PCGF5: variants seen among roughly 807,000 people sequenced by gnomAD.
PCGF5 encodes the protein polycomb group ring finger 5.
PCGF5 carries 9 observed loss-of-function variants against 44.3 expected under a neutral mutation model. The observed-to-expected ratio is 0.20, with a 90% CI of 0.12 to 0.35. The LOEUF (loss-of-function observed/expected upper bound fraction) is 0.35, where lower values mean the gene tolerates loss of function less well. PCGF5 is among the 10% of genes least tolerant of loss of function. The pLI, the probability that PCGF5 is intolerant of heterozygous loss-of-function variation, is 1.00. For synonymous variants in PCGF5, 95 were observed against 102.5 expected (o/e 0.93, Z 0.44); for missense variants, 146 against 305.3 (o/e 0.48, Z 3.89).
intron 1 of PCGF5, among the ~76,000 whole-genome samples, chr10:91,209,133 CTT>C (rs1173595752): frequency 1.3e-5 from 2 of 152,098 alleles, no homozygotes; most frequent in Admixed American, 6.5e-5. Context: ...TGCTTAGTAA[CTT>C]TGTTTAATGT....
chr10:91,179,801 G>C (rs1258647921), intron 1 of PCGF5, among the ~76,000 whole-genome samples: 1 of 152,086 alleles, frequency 6.6e-6, no homozygotes, highest in Non-Finnish European at 1.5e-5. Context: ...ATAGTGCTGT[G>C]ATAAACATAT....
At chr10:91,238,995 G>C (rs1845254288) in intron 2 of PCGF5, among the ~76,000 whole-genome samples, 3 of 152,022 alleles carry the variant, frequency 2.0e-5, no homozygotes, top group Admixed American at 2.0e-4. Flanking sequence ...GAGAGTATGG[G>C]ATTCAGGTAC....
intron 2 of PCGF5, among the ~76,000 whole-genome samples, chr10:91,234,317 A>G (rs1035490354): frequency 6.6e-6 from 1 of 152,216 alleles, no homozygotes; most frequent in African/African-American, 2.4e-5. Context: ...TTTTTAACAT[A>G]AATTAAACAT....
chr10:91,237,526 T>C (rs751988533), intron 2 of PCGF5, among the ~76,000 whole-genome samples: 22 of 152,128 alleles, frequency 1.4e-4, no homozygotes, highest in Non-Finnish European at 2.4e-4. Context: ...GCAGATTACT[T>C]GAGGCCAGGA....
intron 3 of PCGF5, 130 bp from the exon 4 acceptor site, chr10:91,248,375 A>G (rs2133371423): frequency 1.2e-6 from 1 of 827,560 alleles, no homozygotes; most frequent in Non-Finnish European, 2.0e-6. Flanking sequence ...ACAGAAGAGT[A>G]TGGTATAGTA....
chr10:91,199,559 G>A (rs1456372254), intron 1 of PCGF5, among the ~76,000 whole-genome samples: 1 of 152,230 alleles, frequency 6.6e-6, no homozygotes, highest in African/African-American at 2.4e-5. Context: ...TCTCTGAAGA[G>A]GGATCTGATC....
At chr10:91,260,399 TG>T (rs1224172883) in intron 6 of PCGF5, among the ~76,000 whole-genome samples, 1 of 152,194 alleles carries the variant, frequency 6.6e-6, no homozygotes, top group East Asian at 1.9e-4. Flanking sequence ...GAAGTCGATG[TG>T]GCGATTCTTC....
At position 91,167,187 on chromosome 10, in the gene PCGF5, T is replaced by A. The variant is rs373564396; in HGVS notation, c.-184+4106T>A. Among the ~76,000 whole-genome samples, 24 of 152,354 alleles carry A rather than the reference T, an allele frequency of 1.6e-4. 1 individual carries two copies. The East Asian group carries it at 3.1e-3, about 20-fold the overall frequency. On this transcript the variant is annotated intron_variant, in intron 1 of 9. Coordinates refer to the PCGF5 transcript ENST00000614189. ...TTTTATGATAAGTACATTTTCATTA[T>A]TTTATATGCTATATGATGGATATGA...
chr10:91,280,597 G>A lies in PCGF5; in HGVS notation c.*2281G>A, dbSNP rs1341288323. 1 of 152,460 alleles carries A rather than the reference G, an allele frequency of 6.6e-6. No homozygotes were observed. The highest frequency in any genetic ancestry group is 1.5e-5 in the Non-Finnish European group (1 of 67,884). The allele number at this position is 152,460 out of a possible 1,614,324, so 9.4% of individuals were successfully genotyped here. A position where few individuals can be genotyped will look rare whatever the true frequency, so the allele number is the denominator to read the frequency against. On this transcript the variant is annotated 3_prime_UTR_variant, in exon 10 of 10. Transcript: ENST00000336126. The stretch of plus-strand genomic sequence containing the variant: ...AAAGAAAGGCATCAGTTGTCGTTTG[G>A]AGAAAGGTACACATTTTTTTGATGG...
At chr10:91,188,821 C>A (rs1843975122) in intron 1 of PCGF5, among the ~76,000 whole-genome samples, 1 of 152,158 alleles carries the variant, frequency 6.6e-6, no homozygotes, top group Non-Finnish European at 1.5e-5. Flanking sequence ...CTTTTTTCCA[C>A]CCTTGTCACT....
At chr10:91,161,479 C>T (rs1469107036), upstream of PCGF5, among the ~76,000 whole-genome samples, 1 of 152,172 alleles carries the variant, frequency 6.6e-6, no homozygotes, top group Non-Finnish European at 1.5e-5. Context: ...CTAACAGGGC[C>T]GGAAGGCTCT....
At chr10:91,264,585 A>G in intron 8 of PCGF5, 65 bp downstream of exon 8, 1 of 1,272,432 alleles carries the variant, frequency 7.9e-7, no homozygotes, top group Non-Finnish European at 1.1e-6. Context: ...ACTCAAATTT[A>G]ACAATATTAG....
At chr10:91,249,284 G>A (rs1472507356) in intron 5 of PCGF5, among the ~76,000 whole-genome samples, 2 of 149,588 alleles carry the variant, frequency 1.3e-5, no homozygotes, top group African/African-American at 4.9e-5. Flanking sequence ...TTCTCCTCTG[G>A]GTCCCAAAAG....
the PCGF5 span, among the ~76,000 whole-genome samples, chr10:91,156,682 C>A: frequency 6.6e-6 from 1 of 152,084 alleles, no homozygotes; most frequent in Non-Finnish European, 1.5e-5. Context: ...ATGGGGAGGA[C>A]CAGGGTGATT....
intron 6 of PCGF5, among the ~76,000 whole-genome samples, chr10:91,258,821 G>A (rs1845824047): frequency 6.6e-6 from 1 of 152,072 alleles, no homozygotes; most frequent in African/African-American, 2.4e-5. Context: ...TTGTGACCAG[G>A]TTGTTATTTG....
intron 2 of PCGF5, chr10:91,227,622 A>G: frequency 2.6e-6 from 3 of 1,132,868 alleles, no homozygotes; most frequent in Non-Finnish European, 3.3e-6. Context: ...ACTGTGTCCA[A>G]GTGGTAATAA....
chr10:91,249,602 C>G (rs1845572912), intron 5 of PCGF5, among the ~76,000 whole-genome samples: 1 of 151,540 alleles, frequency 6.6e-6, no homozygotes, highest in Non-Finnish European at 1.5e-5. Context: ...CCCATAAGAT[C>G]ATAGGATTGT....
intron 2 of PCGF5, among the ~76,000 whole-genome samples, chr10:91,224,830 A>G (rs1409460435): frequency 1.3e-5 from 2 of 152,106 alleles, no homozygotes; most frequent in Non-Finnish European, 2.9e-5. Flanking sequence ...GGGTGGTTGT[A>G]TTGTGGACAT....
intron 2 of PCGF5, among the ~76,000 whole-genome samples, chr10:91,236,086 G>T (rs1165244092): frequency 6.7e-6 from 1 of 148,416 alleles, no homozygotes; most frequent in Non-Finnish European, 1.5e-5. Context: ...CTTAAACAAA[G>T]AAATAATAAT....
Sources: gnomAD v4.1 joint callset for allele counts (sites outside exome capture counted in the v4.1 genomes callset) on GRCh38, gnomAD v4.1.1 for gene constraint, MANE v1.5 for transcripts, NCBI Gene and HGNC (gene_info 2026-07-23, HGNC 2026-07-21) for gene names.